The following PRKN variants were observed in gnomAD, a reference collection of about 807,000 sequenced individuals.
PRKN encodes parkin RBR E3 ubiquitin protein ligase, also known as E3 ubiquitin-protein ligase parkin.
PRKN carries 56 observed loss-of-function variants against 59.5 expected under a neutral mutation model. The observed-to-expected ratio is 0.94, with a 90% CI of 0.76 to 1.18. PRKN has a LOEUF of 1.18. Among genes scored for constraint, PRKN ranks in the 50% most tolerant of loss-of-function variants. The probability of loss-of-function intolerance (pLI) is 0.00; values close to 1 mark genes in which losing one functional copy is unlikely to be tolerated. For missense variants in PRKN, 657 were observed against 596.4 expected (o/e 1.10, Z -1.06); for synonymous variants, 250 against 222.1 (o/e 1.13, Z -1.12).
intron 1 of PRKN, among the ~76,000 whole-genome samples, chr6:162,660,203 T>C (rs1778825662): frequency 6.6e-6 from 1 of 152,224 alleles, no homozygotes; most frequent in Non-Finnish European, 1.5e-5. Context: ...TCACCCTCAT[T>C]TTTTTAAGCT....
intron 7 of PRKN, among the ~76,000 whole-genome samples, chr6:161,638,567 G>A (rs114915194): frequency 0.011 from 1,633 of 152,246 alleles, 14 homozygotes; most frequent in Middle Eastern, 0.034. Context: ...GCTGGGACTA[G>A]AAATCCCTAG....
chr6:161,657,083 T>C (rs1784375398), intron 7 of PRKN, among the ~76,000 whole-genome samples: 1 of 152,156 alleles, frequency 6.6e-6, no homozygotes, highest in Admixed American at 6.5e-5. Flanking sequence ...CACTAAAAAT[T>C]CAGTCCAAAA....
At chr6:162,382,196 A>T (rs1422577596) in intron 2 of PRKN, among the ~76,000 whole-genome samples, 2 of 152,206 alleles carry the variant, frequency 1.3e-5, no homozygotes, top group Non-Finnish European at 2.9e-5. Context: ...GATGCTGATG[A>T]TCCATCTCAG....
chr6:161,350,613 AAT>A (rs1203596781), intron 11 of PRKN, among the ~76,000 whole-genome samples: 4 of 116,856 alleles, frequency 3.4e-5, no homozygotes, highest in Admixed American at 1.1e-4. Context: ...TTATATTTAA[AAT>A]ATATATATTT....
rs931376824 is a variant in PRKN, at chr6:161,561,847, G to C, written c.933+7508C>G. Among the ~76,000 whole-genome samples the C allele has an allele frequency of 7.9e-5, 12 of 152,040 alleles. No individual in the cohort carries two copies. Among genetic ancestry groups the C allele is most frequent in the African/African-American group, 2.9e-4 (12 of 41,398 alleles). ...CTCTTCATAGCAAACCCTCTAGAAG[G>C]AATTATCCTCCCCTTCTGTTCACTC... is the stretch of plus-strand genomic sequence containing the variant. On this transcript the variant is annotated intron_variant, in intron 8 of 11. Transcript: ENST00000366898. The surrounding 1 kb of genome is among the most constrained non-coding windows in gnomAD (Gnocchi z 5.0).
chr6:162,580,517 T>G (rs1487850800), intron 1 of PRKN, among the ~76,000 whole-genome samples: 1 of 150,252 alleles, frequency 6.7e-6, no homozygotes, highest in Non-Finnish European at 1.5e-5. Context: ...GTGACCAATC[T>G]AGCATGGGGT....
chr6:162,337,087 C>T (rs1783879419), intron 2 of PRKN, among the ~76,000 whole-genome samples: 1 of 152,132 alleles, frequency 6.6e-6, no homozygotes, highest in Non-Finnish European at 1.5e-5. Context: ...CTTGTGACTA[C>T]AAATATTGAA....
intron 1 of PRKN, among the ~76,000 whole-genome samples, chr6:162,669,255 T>G (rs1183276577): frequency 1.3e-5 from 2 of 152,248 alleles, no homozygotes; most frequent in East Asian, 3.9e-4. Flanking sequence ...CATGTTCTTA[T>G]GCTCTTCACA....
At position 162,661,786 on chromosome 6, in the gene PRKN, T is replaced by C. The variant is rs1464934685; in HGVS notation, c.7+65876A>G. The stretch of plus-strand genomic sequence containing the variant: ...CAGAAAAAAAGGCACAGAGAAACAG[T>C]TAAATGTGAGGCAGAAATAATTTTT... On this transcript the variant is annotated intron_variant, in intron 1 of 11. Coordinates refer to ENST00000366898, the MANE Select transcript of PRKN (RefSeq NM_004562.3). Among the ~76,000 whole-genome samples, 4 of 152,218 alleles carry C rather than the reference T, an allele frequency of 2.6e-5. No individual in the cohort carries two copies. The East Asian group carries it at 5.8e-4, about 22-fold the overall frequency.
intron 4 of PRKN, among the ~76,000 whole-genome samples, chr6:162,117,068 T>C (rs561949284): frequency 1.3e-3 from 192 of 152,238 alleles, no homozygotes; most frequent in African/African-American, 4.5e-3. Context: ...CACATAAAAA[T>C]GTAAATCACT....
In PRKN at chr6:161,526,141, G is replaced by T. The variant is rs538993075; in HGVS notation, c.1083+22713C>A. On this transcript the variant is annotated intron_variant, in intron 9 of 11. Transcript: ENST00000366898. This position sits in a 1 kb window ranked among gnomAD's most constrained non-coding sequence, Gnocchi z 4.1. The stretch of plus-strand genomic sequence containing the variant: ...CCAACCTTCCTAAAAAAAAAGGTCA[G>T]TCCCATAAATACTCTCATCACAGTC... Among the ~76,000 whole-genome samples the T allele has an allele frequency of 2.0e-5, 3 of 152,130 alleles. No individual in the cohort carries two copies. In the East Asian group the frequency reaches 5.8e-4, roughly 29 times the overall value.
intron 5 of PRKN, among the ~76,000 whole-genome samples, chr6:162,029,229 C>G (rs1783550338): frequency 6.6e-6 from 1 of 152,108 alleles, no homozygotes; most frequent in Admixed American, 6.5e-5. Flanking sequence ...GTCACTGGGT[C>G]TGACATTTCT....
intron 9 of PRKN, among the ~76,000 whole-genome samples, chr6:161,418,265 G>GGT (rs1396262364): frequency 1.3e-5 from 2 of 152,220 alleles, no homozygotes. Context: ...AAGAAGAACA[G>GGT]GTGTGTCAAG....
intron 6 of PRKN, among the ~76,000 whole-genome samples, chr6:161,967,172 G>A (rs1266846347): frequency 6.6e-6 from 1 of 152,140 alleles, no homozygotes; most frequent in East Asian, 1.9e-4. Context: ...AAACTCAAAG[G>A]ACACAAATCA....
chr6:161,387,735 G>A (rs796686452), intron 9 of PRKN, among the ~76,000 whole-genome samples: 22 of 152,264 alleles, frequency 1.4e-4, no homozygotes, highest in African/African-American at 3.4e-4. Context: ...GGGCTGAACC[G>A]TGCCCCCACA....
At chr6:162,503,931 T>C (rs181445096) in intron 1 of PRKN, among the ~76,000 whole-genome samples, 8 of 152,330 alleles carry the variant, frequency 5.3e-5, no homozygotes, top group Admixed American at 5.2e-4. Context: ...ATCTGAATTA[T>C]TTTTAGATGA....
rs1780005800 is a variant in PRKN at position 161,551,222 on chromosome 6, T to C, written c.934-2219A>G. 6.6e-6 allele frequency among the ~76,000 whole-genome samples: 1 copy of C among 152,186 alleles called. No homozygotes were observed. Among genetic ancestry groups the C allele is most frequent in the Non-Finnish European group, 1.5e-5 (1 of 68,040 alleles). ...GTGAGTGATTACTGCATAGATTTCT[T>C]AGAGGCTTCATACATAACCCTTGCC... On this transcript the variant is annotated intron_variant, in intron 8 of 11. Coordinates refer to ENST00000366898, the MANE Select transcript of PRKN (RefSeq NM_004562.3). The surrounding 1 kb of genome is among the most constrained non-coding windows in gnomAD (Gnocchi z 5.2).
At chr6:162,264,364 A>G (rs1780030384) in intron 2 of PRKN, among the ~76,000 whole-genome samples, 1 of 152,168 alleles carries the variant, frequency 6.6e-6, no homozygotes, top group South Asian at 2.1e-4. Context: ...GAATGCTCCA[A>G]GAACACTCAA....
rs1778015817 is a variant in PRKN, at chr6:161,502,935, T to G, written c.1083+45919A>C. Among the ~76,000 whole-genome samples the G allele has an allele frequency of 6.6e-6, 1 of 152,192 alleles. No homozygotes were observed. The highest frequency in any genetic ancestry group is 2.4e-5 in the African/African-American group (1 of 41,448). ...TAACCTTCACTTTCTTCATTTTAAT[T>G]GTAGGAGGAGAACAGCACTTACTTC... On this transcript the variant is annotated intron_variant, in intron 9 of 11. Coordinates refer to ENST00000366898, the MANE Select transcript of PRKN (RefSeq NM_004562.3). This position sits in a 1 kb window ranked among gnomAD's most constrained non-coding sequence, Gnocchi z 4.0.
Sources: gnomAD v4.1 joint callset for allele counts (sites outside exome capture counted in the v4.1 genomes callset) on GRCh38, gnomAD v4.1.1 for gene constraint, Gnocchi (gnomAD v3.1) non-coding constraint, MANE v1.5 for transcripts, NCBI Gene and HGNC (gene_info 2026-07-23, HGNC 2026-07-21) for gene names.